The following ANKRD66 variants were observed in gnomAD, a reference collection of about 807,000 sequenced individuals.
ANKRD66 encodes the protein ankyrin repeat domain-containing protein 66.
In ANKRD66, 10 loss-of-function variants were observed where a neutral mutation model predicts 10.9. That is an observed-to-expected ratio of 0.91 (90% CI 0.56 to 1.55). The LOEUF (loss-of-function observed/expected upper bound fraction) is 1.55. Among genes scored for constraint, ANKRD66 ranks in the 40% most tolerant of loss-of-function variants. The pLI is 0.00. For synonymous variants in ANKRD66, 85 were observed against 88.4 expected (o/e 0.96, Z 0.22); for missense variants, 252 against 242.9 (o/e 1.04, Z -0.25).
Position 46,749,984 on chromosome 6 carries a change from G to C in ANKRD66, c.-13+5G>C. The C allele has an allele frequency of 2.2e-6, 3 of 1,377,148 alleles. No homozygotes were observed. The highest frequency in any genetic ancestry group is 3.0e-6 in the Non-Finnish European group (3 of 988,220). The allele number at this position is 1,377,148 out of a possible 1,614,324, so 85.3% of individuals were successfully genotyped here. ...CTGCCCAGAGTTTCAGATTCTGTAAGTCTGGGGCTGAGCACAATAATTTGC... is the reference window on the plus strand; with the variant it reads ...CTGCCCAGAGTTTCAGATTCTGTAACTCTGGGGCTGAGCACAATAATTTGC... On this transcript the variant is annotated splice_donor_5th_base_variant and intron_variant, in intron 2 of 4. Coordinates refer to ENST00000565422, the MANE Select transcript of ANKRD66 (RefSeq NM_001162435.3).
intron 1 of ANKRD66, among the ~76,000 whole-genome samples, chr6:46,748,909 T>G (rs1469400612): frequency 6.6e-6 from 1 of 152,216 alleles, no homozygotes; most frequent in Non-Finnish European, 1.5e-5. Context: ...ATGCAGAATC[T>G]CAGGCCAGGT....
chr6:46,758,590 T>C, intron 4 of ANKRD66, 133 bp from the exon 5 acceptor site: 1 of 827,328 alleles, frequency 1.2e-6, no homozygotes, highest in Admixed American at 3.0e-5. Flanking sequence ...AGTGTATGCT[T>C]GGAAATGCTC....
intron 3 of ANKRD66, among the ~76,000 whole-genome samples, chr6:46,752,931 G>A (rs920981735): frequency 6.6e-6 from 1 of 152,218 alleles, no homozygotes; most frequent in African/African-American, 2.4e-5. Context: ...GTAAGAAAGT[G>A]CTATGGTCAA....
chr6:46,752,265 C>A (rs539128369), intron 3 of ANKRD66, among the ~76,000 whole-genome samples, 154 bp downstream of exon 3: 1 of 152,100 alleles, frequency 6.6e-6, no homozygotes, highest in Non-Finnish European at 1.5e-5. Flanking sequence ...GACAGAGTCT[C>A]GCTCTGTCAT....
At chr6:46,755,481 C>G (rs1234613098) in intron 4 of ANKRD66, among the ~76,000 whole-genome samples, 2 of 152,198 alleles carry the variant, frequency 1.3e-5, no homozygotes, top group African/African-American at 4.8e-5. Flanking sequence ...AAGTCTCACA[C>G]CTGCAGATTT....
At chr6:46,752,209 T>A (rs1352719285) in intron 3 of ANKRD66, 98 bp downstream of exon 3, 26 of 1,247,060 alleles carry the variant, frequency 2.1e-5, no homozygotes, top group Non-Finnish European at 2.5e-5. Context: ...CAAACATTTC[T>A]TTAGAGCCAG....
intron 1 of ANKRD66, among the ~76,000 whole-genome samples, chr6:46,748,316 C>G (rs908063773): frequency 3.3e-5 from 5 of 152,124 alleles, no homozygotes; most frequent in Non-Finnish European, 5.9e-5. Context: ...CCTAATGCTT[C>G]CACTTGAATT....
Position 46,752,089 on chromosome 6 carries a change from A to G in ANKRD66, c.141A>G (p.Pro47=). 6.7e-7 allele frequency: 1 copy of G among 1,501,528 alleles called. No individual in the cohort carries two copies. 93.0% of individuals were successfully genotyped at this position (1,501,528 alleles called of 1,614,324 possible). Residue 47 remains proline, a synonymous_variant, in exon 3 of 5, where the codon CCA becomes CCG. Coordinates refer to ENST00000565422, the MANE Select transcript of ANKRD66 (RefSeq NM_001162435.3). ...ATGTAGACTGGAATGACCGGACCCC[A>G]CTTCACTGGGCTGCAATCAAAGGTG... ...YKDVDWNDRT[P]LHWAAIKGQM...
chr6:46,750,031 GC>G, intron 2 of ANKRD66, 52 bp downstream of exon 2: 1 of 826,676 alleles, frequency 1.2e-6, no homozygotes, highest in Non-Finnish European at 2.0e-6. Flanking sequence ...GTTCCCAGGG[GC>G]TGCTGCTGCT....
At chr6:46,757,087 C>G (rs1443329605) in intron 4 of ANKRD66, 2 of 152,032 alleles carry the variant, frequency 1.3e-5, no homozygotes, top group Non-Finnish European at 2.9e-5. Flanking sequence ...AGTAGGCAGA[C>G]AGTGTTGAGC....
At chr6:46,753,532 T>G (rs2150727385) in intron 3 of ANKRD66, among the ~76,000 whole-genome samples, 190 bp from the exon 4 acceptor site, 1 of 151,988 alleles carries the variant, frequency 6.6e-6, no homozygotes, top group South Asian at 2.1e-4. Flanking sequence ...ACAAGGTTCG[T>G]GGGGTGAGGT....
chr6:46,749,082 T>C (rs1481234441), intron 1 of ANKRD66, among the ~76,000 whole-genome samples: 4 of 152,226 alleles, frequency 2.6e-5, no homozygotes, highest in African/African-American at 9.6e-5. Context: ...GATAGCACAG[T>C]GAGACTCCCA....
rs370510729 is a variant in ANKRD66 at position 46,751,837 on chromosome 6, T to C, written c.-12-100T>C. On this transcript the variant is annotated intron_variant, in intron 2 of 4. Transcript: ENST00000565422. ...TGAGGCAAACTGAGAGGCAAATGCATGCGGCAGGAAAGGAAATAAATGATA... is the reference window on the plus strand; with the variant it reads ...TGAGGCAAACTGAGAGGCAAATGCACGCGGCAGGAAAGGAAATAAATGATA... The C allele has an allele frequency of 3.3e-4, 408 of 1,228,102 alleles. 1 individual carries two copies. In the African/African-American group the frequency reaches 5.4e-3, roughly 16 times the overall value. The allele number at this position is 1,228,102 out of a possible 1,614,324, so 76.1% of individuals were successfully genotyped here.
At chr6:46,747,729 G>A (rs1766180497) in intron 1 of ANKRD66, among the ~76,000 whole-genome samples, 1 of 151,914 alleles carries the variant, frequency 6.6e-6, no homozygotes, top group Admixed American at 6.6e-5. Flanking sequence ...TTCCACTTTT[G>A]CCTCTTATAA....
Position 46,759,014 on chromosome 6 carries a change from G to A in ANKRD66, c.*93G>A. On this transcript the variant is annotated 3_prime_UTR_variant, in exon 5 of 5. Coordinates refer to ENST00000565422, the MANE Select transcript of ANKRD66 (RefSeq NM_001162435.3). The stretch of plus-strand genomic sequence containing the variant: ...TGGCCTTTCCATGACTTTACTCATA[G>A]ACCCTTACCCACCTGGCTTCTGCCC... The A allele has an allele frequency of 7.7e-7, 1 of 1,294,364 alleles. No homozygotes were observed. Among genetic ancestry groups the A allele is most frequent in the Non-Finnish European group, 1.0e-6 (1 of 953,994 alleles). 80.2% of individuals were successfully genotyped at this position (1,294,364 alleles called of 1,614,324 possible).
intron 1 of ANKRD66, among the ~76,000 whole-genome samples, chr6:46,748,822 C>T (rs1562089540): frequency 6.6e-6 from 1 of 152,192 alleles, no homozygotes; most frequent in African/African-American, 2.4e-5. Context: ...CCAGTCTATA[C>T]CTTACTTTTC....
At chr6:46,751,783 G>A (rs1005697461) in intron 2 of ANKRD66, among the ~76,000 whole-genome samples, 154 bp from the exon 3 acceptor site, 1 of 152,148 alleles carries the variant, frequency 6.6e-6, no homozygotes, top group African/African-American at 2.4e-5. Context: ...CAGGAGCTAA[G>A]GTCTAAGGAC....
In ANKRD66 at chr6:46,753,709, T is replaced by C. The variant is rs1172549926; in HGVS notation, c.164-13T>C. 1 of 1,533,306 alleles carries C rather than the reference T, an allele frequency of 6.5e-7. No homozygotes were observed. The highest frequency in any genetic ancestry group is 8.8e-7 in the Non-Finnish European group (1 of 1,137,600). 95.0% of individuals were successfully genotyped at this position (1,533,306 alleles called of 1,614,324 possible). ...ATCCTAACCTCATCCTGTTTCTTTT[T>C]GGTACATCTAAGGGCAAATGGAGGT... On this transcript the variant is annotated splice_polypyrimidine_tract_variant and intron_variant, in intron 3 of 4. Coordinates refer to ENST00000565422, the MANE Select transcript of ANKRD66 (RefSeq NM_001162435.3).
chr6:46,754,088 T>A, intron 4 of ANKRD66, 138 bp downstream of exon 4: 1 of 781,058 alleles, frequency 1.3e-6, no homozygotes, highest in Non-Finnish European at 1.9e-6. Context: ...TTTTTATTGA[T>A]TTTTTTAGTT....
Sources: gnomAD v4.1 joint callset for allele counts (sites outside exome capture counted in the v4.1 genomes callset) on GRCh38, gnomAD v4.1.1 for gene constraint, MANE v1.5 for transcripts, NCBI Gene and HGNC (gene_info 2026-07-23, HGNC 2026-07-21) for gene names.